The following LRBA variants were observed in gnomAD, a reference collection of about 807,000 sequenced individuals.
The protein encoded by LRBA is LPS responsive beige-like anchor protein.
In LRBA, 176 loss-of-function variants were observed where a neutral mutation model predicts 330.0. That is an observed-to-expected ratio of 0.53 (90% CI 0.47 to 0.60). LRBA has a LOEUF of 0.60. Among genes scored for constraint, LRBA ranks in the 20% least tolerant of loss-of-function variants. The pLI is 0.00. For missense variants in LRBA, 3,259 were observed against 3,444.8 expected, an observed-to-expected ratio of 0.95 and a Z score of 1.35; for synonymous variants, 1,230 against 1,193.0, an observed-to-expected ratio of 1.03 and a Z score of -0.64.
intron 35 of LRBA, among the ~76,000 whole-genome samples, chr4:150,743,126 C>T (rs1732239724): frequency 6.6e-6 from 1 of 152,066 alleles, no homozygotes; most frequent in South Asian, 2.1e-4. Flanking sequence ...TGAGTCACCA[C>T]CCCCGGCTAA....
At chr4:150,847,318 AT>A (rs1254443342) in intron 26 of LRBA, among the ~76,000 whole-genome samples, 2 of 152,178 alleles carry the variant, frequency 1.3e-5, no homozygotes, top group Non-Finnish European at 2.9e-5. Context: ...TGTCTCTTAA[AT>A]TTTAAAACAA....
At chr4:150,402,755 G>A (rs1321653118) in intron 47 of LRBA, among the ~76,000 whole-genome samples, 1 of 151,582 alleles carries the variant, frequency 6.6e-6, no homozygotes, top group Non-Finnish European at 1.5e-5. Context: ...ATGTTCTAAT[G>A]ATAATTCTAA....
At chr4:150,973,910 C>T (rs1739864310) in intron 2 of LRBA, among the ~76,000 whole-genome samples, 1 of 152,176 alleles carries the variant, frequency 6.6e-6, no homozygotes, top group South Asian at 2.1e-4. Flanking sequence ...TGCATCACTG[C>T]AAATGAATCT....
chr4:150,460,649 T>C (rs1042406499), intron 44 of LRBA, among the ~76,000 whole-genome samples: 1 of 151,940 alleles, frequency 6.6e-6, no homozygotes, highest in East Asian at 1.9e-4. Flanking sequence ...TGTTGCAAGA[T>C]AGGAATCAGG....
intron 40 of LRBA, among the ~76,000 whole-genome samples, chr4:150,543,110 G>A (rs539493039): frequency 7.9e-5 from 12 of 152,292 alleles, no homozygotes; most frequent in African/African-American, 2.6e-4. Context: ...TTTTCTACAT[G>A]TAATTTCATT....
chr4:150,454,260 C>T (rs890404362), intron 44 of LRBA, among the ~76,000 whole-genome samples: 6 of 151,988 alleles, frequency 3.9e-5, no homozygotes, highest in Non-Finnish European at 7.4e-5. Flanking sequence ...CAACCAACCT[C>T]AAAAATTTGT....
At chr4:150,317,336 TACTC>T (rs952172641) in intron 50 of LRBA, among the ~76,000 whole-genome samples, 4 of 152,174 alleles carry the variant, frequency 2.6e-5, no homozygotes, top group African/African-American at 9.6e-5. Context: ...ATTTTATACT[TACTC>T]TGTCATAGTT....
rs140515538 is a variant in LRBA, at chr4:150,392,816, G to C, written c.7194+22622C>G. ...GAACAATGAGAACACATGGACACAG[G>C]GGGAGGGGAACATCACATACCAGGG... On this transcript the variant is annotated intron_variant, in intron 47 of 56. Coordinates refer to ENST00000651943, the MANE Select transcript of LRBA (RefSeq NM_001364905.1). Among the ~76,000 whole-genome samples the C allele has an allele frequency of 1.1e-4, 16 of 151,130 alleles. No homozygotes were observed. The East Asian group carries it at 2.7e-3, about 26-fold the overall frequency.
chr4:150,926,319 T>C (rs532158196), intron 4 of LRBA, among the ~76,000 whole-genome samples: 2 of 152,184 alleles, frequency 1.3e-5, no homozygotes, highest in South Asian at 2.1e-4. Flanking sequence ...TGCTACCTCC[T>C]GTCCTATGTC....
chr4:150,284,908 G>A (rs542320041), intron 54 of LRBA, among the ~76,000 whole-genome samples: 7 of 152,178 alleles, frequency 4.6e-5, no homozygotes, highest in African/African-American at 1.7e-4. Context: ...TTCAGTTGGC[G>A]TGCTCACTTT....
chr4:150,648,158 CA>C lies in LRBA; in HGVS notation c.5921+35392del. On this transcript the variant is annotated intron_variant, in intron 37 of 56. Coordinates refer to ENST00000651943, the MANE Select transcript of LRBA (RefSeq NM_001364905.1). ...TCAGAAGAGAAAGGAACACAAGTAG[CA>C]AAAAAAAAAAAAAAAAAACTAGAAA... 2.9e-3 allele frequency among the ~76,000 whole-genome samples: 53 copies of C among 18,116 alleles called. 5 individuals carry two copies. Among genetic ancestry groups the C allele is most frequent in the Non-Finnish European group, 4.6e-3 (26 of 5,698 alleles). 11.9% of individuals were successfully genotyped at this position (18,116 alleles called of 152,430 possible). A position where few individuals can be genotyped will look rare whatever the true frequency, so the allele number is the denominator to read the frequency against.
chr4:150,889,657 A>G (rs1485395595), intron 17 of LRBA, among the ~76,000 whole-genome samples: 1 of 152,184 alleles, frequency 6.6e-6, no homozygotes, highest in Admixed American at 6.5e-5. Flanking sequence ...ATGCACTTCA[A>G]TCATCCTGAA....
rs1578973790 is a variant in LRBA, at chr4:150,844,719, C to G, written c.4400G>C (p.Arg1467Thr). Residue 1467 changes from arginine to threonine, a missense_variant, in exon 27 of 57, where the codon AGG (arginine) becomes ACG (threonine). Arg to Thr is a moderately conservative substitution (Grantham distance 71). Transcript: ENST00000651943. Reference sequence around the variant, plus strand: ...CATTGGTTTCAAGGCTTTATCTCCCCTAGTTTTCAGTTGTGAATGCTGTTG... The same window carrying G: ...CATTGGTTTCAAGGCTTTATCTCCCGTAGTTTTCAGTTGTGAATGCTGTTG... ...ECQQHSQLKT[R>T]GDKALKPMHS... is the part of the protein sequence containing the mutation. 1.2e-6 allele frequency: 2 copies of G among 1,613,110 alleles called. No individual in the cohort carries two copies. The highest frequency in any genetic ancestry group is 4.5e-5 in the East Asian group (2 of 44,826).
At chr4:150,532,910 A>C (rs1376489536) in intron 40 of LRBA, among the ~76,000 whole-genome samples, 1 of 152,170 alleles carries the variant, frequency 6.6e-6, no homozygotes, top group Admixed American at 6.5e-5. Context: ...TGAGAGGAAA[A>C]AAACTATCCT....
Position 150,848,562 on chromosome 4 carries a change from GAAA to G in LRBA, c.4339+253_4339+255del, listed in dbSNP as rs9331496. On this transcript the variant is annotated intron_variant, in intron 26 of 56. Coordinates refer to ENST00000651943, the MANE Select transcript of LRBA (RefSeq NM_001364905.1). ...GAACCACCATTTCAGGGAGAAAAAAGAAAAAAAAAAAAAAAAAAGATAGGGGAG... is the reference window on the plus strand; with the variant it reads ...GAACCACCATTTCAGGGAGAAAAAAGAAAAAAAAAAAAAAAGATAGGGGAG... Among the ~76,000 whole-genome samples the G allele has an allele frequency of 0.1, 12,176 of 120,150 alleles. 801 individuals are homozygous for G. Among genetic ancestry groups the G allele is most frequent in the African/African-American group, 0.23 (7,359 of 31,842 alleles). The allele number at this position is 120,150 out of a possible 152,430, so 78.8% of individuals were successfully genotyped here. A position where few individuals can be genotyped will look rare whatever the true frequency, so the allele number is the denominator to read the frequency against.
chr4:151,012,410 T>C (rs538375181), intron 2 of LRBA, among the ~76,000 whole-genome samples: 1 of 152,236 alleles, frequency 6.6e-6, no homozygotes, highest in Non-Finnish European at 1.5e-5. Flanking sequence ...CACAAATAAG[T>C]AATTATGGAT....
intron 37 of LRBA, among the ~76,000 whole-genome samples, chr4:150,601,230 T>A (rs1390084428): frequency 1.3e-5 from 2 of 152,228 alleles, no homozygotes; most frequent in Non-Finnish European, 2.9e-5. Context: ...TTCTACATTT[T>A]GAGTCAAATT....
At chr4:150,732,977 T>C (rs1489685513) in intron 36 of LRBA, among the ~76,000 whole-genome samples, 1 of 152,064 alleles carries the variant, frequency 6.6e-6, no homozygotes, top group Non-Finnish European at 1.5e-5. Flanking sequence ...TTTTCACAAA[T>C]TGTAGGACTA....
At chr4:150,755,169 C>A (rs746769209) in intron 35 of LRBA, among the ~76,000 whole-genome samples, 6 of 152,134 alleles carry the variant, frequency 3.9e-5, no homozygotes. Context: ...AAGGATGGAG[C>A]GGCTAAATGA....
Sources: allele counts gnomAD v4.1 joint callset (sites outside exome capture counted in the v4.1 genomes callset), GRCh38; gene constraint gnomAD v4.1.1; transcripts MANE v1.5; gene names NCBI Gene and HGNC (gene_info 2026-07-23, HGNC 2026-07-21).